The following MYOCD variants were observed in gnomAD, a reference collection of about 807,000 sequenced individuals.
MYOCD encodes the protein myocardin.
Under a neutral mutation model 96.1 loss-of-function variants are expected in MYOCD, and 32 were observed. The observed-to-expected ratio is 0.33, with a 90% CI of 0.25 to 0.45. The LOEUF (loss-of-function observed/expected upper bound fraction) is 0.45, where lower values mean the gene tolerates loss of function less well. MYOCD is among the 20% of genes least tolerant of loss of function. The probability of loss-of-function intolerance (pLI) is 1.00; values close to 1 mark genes in which losing one functional copy is unlikely to be tolerated. For synonymous variants in MYOCD, 469 were observed against 469.0 expected (o/e 1.00, Z 0.00); for missense variants, 1,133 against 1,200.6 (o/e 0.94, Z 0.83).
chr17:12,749,754 T>A (rs2032789077), intron 9 of MYOCD, among the ~76,000 whole-genome samples: 1 of 150,988 alleles, frequency 6.6e-6, no homozygotes, highest in Non-Finnish European at 1.5e-5. Flanking sequence ...TTCAGTGATC[T>A]TTGTGCCTAC....
chr17:12,731,664 A>G (rs1053424648), intron 5 of MYOCD, among the ~76,000 whole-genome samples: 2 of 152,192 alleles, frequency 1.3e-5, no homozygotes, highest in African/African-American at 4.8e-5. Context: ...AGATGGGGAA[A>G]CTGAGGCTCA....
At chr17:12,680,326 C>T (rs951718977) in intron 1 of MYOCD, among the ~76,000 whole-genome samples, 6 of 152,140 alleles carry the variant, frequency 3.9e-5, no homozygotes, top group African/African-American at 1.4e-4. Context: ...ACTATAATTA[C>T]CCTAGAGGTG....
chr17:12,693,113 G>T (rs1031237805), intron 1 of MYOCD, among the ~76,000 whole-genome samples: 2 of 151,942 alleles, frequency 1.3e-5, no homozygotes, highest in Non-Finnish European at 2.9e-5. Context: ...ATTAAACAGT[G>T]GGCTGCTTCT....
At position 12,767,798 on chromosome 17, in the gene MYOCD, T is replaced by C. The variant is rs1039291979; in HGVS notation, c.*4154T>C. 15 of 152,180 alleles carry C rather than the reference T, an allele frequency of 9.9e-5. No homozygotes were observed. The highest frequency in any genetic ancestry group is 3.6e-4 in the African/African-American group (15 of 41,456). 9.4% of individuals were successfully genotyped at this position (152,180 alleles called of 1,614,324 possible). ...ATCCACGAGAGTTTGAAGATTTGTG[T>C]TGATTGCCAGATACAGAAGCCCCTT... On this transcript the variant is annotated 3_prime_UTR_variant, in exon 14 of 14. Transcript: ENST00000425538.
intron 9 of MYOCD, among the ~76,000 whole-genome samples, chr17:12,749,634 C>T (rs1305176045): frequency 3.5e-5 from 5 of 142,948 alleles, no homozygotes; most frequent in Middle Eastern, 4.0e-3. Flanking sequence ...CCTATATATA[C>T]GTGTGTATAT....
chr17:12,684,178 A>G (rs1458679195), intron 1 of MYOCD, among the ~76,000 whole-genome samples: 2 of 151,556 alleles, frequency 1.3e-5, no homozygotes, highest in East Asian at 3.9e-4. Flanking sequence ...TTGTTTCTCA[A>G]ATTTGCCCTC....
At chr17:12,696,542 A>G (rs2030761860) in intron 1 of MYOCD, among the ~76,000 whole-genome samples, 3 of 152,154 alleles carry the variant, frequency 2.0e-5, no homozygotes, top group Admixed American at 1.3e-4. Context: ...TCAACAGTGC[A>G]CAAGGGTGTT....
intron 2 of MYOCD, among the ~76,000 whole-genome samples, chr17:12,714,739 C>T (rs532771418): frequency 5.2e-4 from 79 of 152,234 alleles, no homozygotes; most frequent in Non-Finnish European, 1.1e-3. Flanking sequence ...AGAGTGAAGG[C>T]TGGCATTCCA....
chr17:12,710,773 C>A (rs2031457686), intron 2 of MYOCD, among the ~76,000 whole-genome samples: 1 of 152,144 alleles, frequency 6.6e-6, no homozygotes, highest in Non-Finnish European at 1.5e-5. Context: ...CTGCCTCTTC[C>A]CTTCTTTCTA....
chr17:12,676,085 G>GA (rs964647579), intron 1 of MYOCD, among the ~76,000 whole-genome samples: 17 of 149,370 alleles, frequency 1.1e-4, no homozygotes, highest in Middle Eastern at 3.4e-3. Flanking sequence ...TAGTGGTGGG[G>GA]AAAAAAAAAC....
intron 2 of MYOCD, among the ~76,000 whole-genome samples, chr17:12,711,204 C>T (rs2031472203): frequency 6.6e-6 from 1 of 152,134 alleles, no homozygotes; most frequent in Admixed American, 6.5e-5. Context: ...AAAAAATTCT[C>T]ATGACCCAAT....
intron 1 of MYOCD, among the ~76,000 whole-genome samples, chr17:12,668,737 A>G (rs1909510777): frequency 6.6e-6 from 1 of 152,158 alleles, no homozygotes; most frequent in Non-Finnish European, 1.5e-5. Context: ...GGTAAATTAC[A>G]TAATTCTCTG....
At chr17:12,676,778 T>C (rs1370217259) in intron 1 of MYOCD, among the ~76,000 whole-genome samples, 2 of 152,218 alleles carry the variant, frequency 1.3e-5, no homozygotes, top group Non-Finnish European at 2.9e-5. Context: ...TCTCAATGTA[T>C]ATGTGGTATA....
At position 12,765,250 on chromosome 17, in the gene MYOCD, A is replaced by G. The variant is rs2033306533; in HGVS notation, c.*1606A>G. 2 of 152,122 alleles carry G rather than the reference A, an allele frequency of 1.3e-5. No homozygotes were observed. Among genetic ancestry groups the G allele is most frequent in the Non-Finnish European group, 2.9e-5 (2 of 68,022 alleles). 9.4% of individuals were successfully genotyped at this position (152,122 alleles called of 1,614,324 possible). A position where few individuals can be genotyped will look rare whatever the true frequency, so the allele number is the denominator to read the frequency against. On this transcript the variant is annotated 3_prime_UTR_variant, in exon 14 of 14. Transcript: ENST00000425538. ...ATTTTATATTGTTGCATGCTGTAGAAAGGAGCTATTGCTGTTGTTTTGTTT... is the reference window on the plus strand; with the variant it reads ...ATTTTATATTGTTGCATGCTGTAGAGAGGAGCTATTGCTGTTGTTTTGTTT...
intron 10 of MYOCD, among the ~76,000 whole-genome samples, chr17:12,754,704 A>G (rs992061209): frequency 1.8e-4 from 27 of 152,234 alleles, no homozygotes; most frequent in African/African-American, 6.3e-4. Flanking sequence ...AGGAAAGCCT[A>G]TGTAAGTCAA....
chr17:12,760,881 G>C, intron 13 of MYOCD, 174 bp downstream of exon 13: 1 of 587,666 alleles, frequency 1.7e-6, no homozygotes, highest in Non-Finnish European at 3.1e-6. Flanking sequence ...ATAAAAGAAG[G>C]CTTAGTGGAT....
intron 9 of MYOCD, among the ~76,000 whole-genome samples, chr17:12,747,373 G>GT (rs777890414): frequency 4.3e-4 from 66 of 152,254 alleles, no homozygotes; most frequent in Non-Finnish European, 8.5e-4. Context: ...ATGACAGAAG[G>GT]AGAGTAGAAT....
At chr17:12,700,092 G>C (rs1026813323) in intron 1 of MYOCD, among the ~76,000 whole-genome samples, 2 of 151,444 alleles carry the variant, frequency 1.3e-5, no homozygotes, top group Non-Finnish European at 2.9e-5. Context: ...TGTATTTTTA[G>C]TAGAGACGGG....
At chr17:12,756,320 C>A in intron 10 of MYOCD, 94 bp from the exon 11 acceptor site, 2 of 1,391,014 alleles carry the variant, frequency 1.4e-6, no homozygotes, top group Non-Finnish European at 9.9e-7. Flanking sequence ...AAAATGACAC[C>A]AGGGGACACA....
Sources: gnomAD v4.1 joint callset for allele counts (sites outside exome capture counted in the v4.1 genomes callset) on GRCh38, gnomAD v4.1.1 for gene constraint, MANE v1.5 for transcripts, NCBI Gene and HGNC (gene_info 2026-07-23, HGNC 2026-07-21) for gene names.